The following CSMD1 variants were observed in gnomAD, a reference collection of about 807,000 sequenced individuals.
CSMD1 encodes the protein CUB and sushi domain-containing protein 1.
CSMD1 carries 213 observed loss-of-function variants against 417.5 expected under a neutral mutation model. The observed-to-expected ratio is 0.51, with a 90% CI of 0.46 to 0.57. CSMD1 has a LOEUF of 0.57. CSMD1 is among the 20% of genes least tolerant of loss of function. CSMD1 has a pLI of 0.00. For synonymous variants in CSMD1, 2,862 were observed against 1,736.8 expected (o/e 1.65, Z -16.11); for missense variants, 6,923 against 4,529.7 (o/e 1.53, Z -15.17).
intron 1 of CSMD1, chr8:4,788,725 A>G (rs764047578): frequency 2.2e-6 from 1 of 454,204 alleles, no homozygotes. Flanking sequence ...GCTTCTCTAG[A>G]TCCATACTAA....
chr8:3,039,828 A>G (rs770409867), intron 50 of CSMD1, among the ~76,000 whole-genome samples: 16 of 152,228 alleles, frequency 1.1e-4, no homozygotes, highest in Non-Finnish European at 2.1e-4. Context: ...AAGCTCGTTT[A>G]GCACTGATAC....
intron 2 of CSMD1, among the ~76,000 whole-genome samples, chr8:4,428,632 A>T (rs895249080): frequency 6.6e-6 from 1 of 152,160 alleles, no homozygotes; most frequent in Admixed American, 6.5e-5. Context: ...GGAAACACGG[A>T]AACTACAGAA....
At chr8:3,455,847 G>A (rs1816089822) in intron 12 of CSMD1, among the ~76,000 whole-genome samples, 1 of 152,228 alleles carries the variant, frequency 6.6e-6, no homozygotes, top group African/African-American at 2.4e-5. Context: ...ATGTCAGACA[G>A]GGACATTTAA....
intron 3 of CSMD1, among the ~76,000 whole-genome samples, chr8:4,364,292 G>A (rs993960132): frequency 9.9e-5 from 15 of 152,112 alleles, no homozygotes; most frequent in African/African-American, 3.6e-4. Context: ...TTAAGCCAAG[G>A]GGAACATTAA....
intron 5 of CSMD1, among the ~76,000 whole-genome samples, chr8:3,885,839 A>G (rs1806526306): frequency 6.6e-6 from 1 of 152,186 alleles, no homozygotes; most frequent in African/African-American, 2.4e-5. Context: ...TGACCTGGCA[A>G]ACGTCTCTGT....
intron 1 of CSMD1, among the ~76,000 whole-genome samples, chr8:4,833,925 C>G (rs999901047): frequency 6.6e-6 from 1 of 152,158 alleles, no homozygotes; most frequent in African/African-American, 2.4e-5. Flanking sequence ...CACCCACCTC[C>G]TTGATTCCAC....
At chr8:4,819,919 G>A (rs1314446090) in intron 1 of CSMD1, among the ~76,000 whole-genome samples, 2 of 152,164 alleles carry the variant, frequency 1.3e-5, no homozygotes, top group Admixed American at 1.3e-4. Context: ...AACCATTTAT[G>A]TTATCATAAG....
intron 32 of CSMD1, among the ~76,000 whole-genome samples, chr8:3,201,359 T>G (rs1471416734): frequency 6.6e-6 from 1 of 152,160 alleles, no homozygotes; most frequent in African/African-American, 2.4e-5. Context: ...TTCGGATCTT[T>G]GCACCTTTTA....
intron 3 of CSMD1, among the ~76,000 whole-genome samples, chr8:4,268,928 G>A (rs909669832): frequency 6.6e-6 from 1 of 152,122 alleles, no homozygotes; most frequent in Non-Finnish European, 1.5e-5. Flanking sequence ...GCTATTTGGA[G>A]AATTACAATT....
intron 3 of CSMD1, among the ~76,000 whole-genome samples, chr8:4,367,594 T>C (rs1266396117): frequency 6.6e-6 from 1 of 152,206 alleles, no homozygotes; most frequent in African/African-American, 2.4e-5. Context: ...TTTCTAATTC[T>C]GTAAAAAATG....
Position 3,018,076 on chromosome 8 carries a change from C to T in CSMD1, c.8029+401G>A, listed in dbSNP as rs141399246. Among the ~76,000 whole-genome samples, 231 of 152,218 alleles carry T rather than the reference C, an allele frequency of 1.5e-3. 2 individuals carry two copies. Among genetic ancestry groups the T allele is most frequent in the African/African-American group, 5.1e-3 (211 of 41,548 alleles). On this transcript the variant is annotated intron_variant, in intron 52 of 69. Transcript: ENST00000635120. ...AGACTACATTATTGTAGACATATAG[C>T]ATTTTAAATAATTCACTGTACTTAT...
At chr8:4,591,756 T>A (rs60103687) in intron 2 of CSMD1, among the ~76,000 whole-genome samples, 1 of 152,118 alleles carries the variant, frequency 6.6e-6, no homozygotes, top group South Asian at 2.1e-4. Context: ...GGATAGGATC[T>A]GTTTTGGAAA....
intron 2 of CSMD1, among the ~76,000 whole-genome samples, chr8:4,465,979 G>A (rs1217723509): frequency 2.0e-5 from 3 of 152,222 alleles, no homozygotes; most frequent in Admixed American, 1.3e-4. Flanking sequence ...GACAAGGACA[G>A]ATGGGAAAAG....
At chr8:3,939,395 C>A (rs1006668649) in intron 5 of CSMD1, among the ~76,000 whole-genome samples, 18 of 152,092 alleles carry the variant, frequency 1.2e-4, no homozygotes, top group African/African-American at 3.9e-4. Flanking sequence ...AAAGGGAACA[C>A]TTTTACACTA....
intron 5 of CSMD1, among the ~76,000 whole-genome samples, chr8:3,777,961 G>A (rs1216297895): frequency 6.6e-6 from 1 of 152,142 alleles, no homozygotes; most frequent in Non-Finnish European, 1.5e-5. Context: ...CTCCAGACCT[G>A]CAGCCTCCTT....
chr8:4,447,431 G>T (rs938169053), intron 2 of CSMD1, among the ~76,000 whole-genome samples: 2 of 152,172 alleles, frequency 1.3e-5, no homozygotes, highest in African/African-American at 2.4e-5. Flanking sequence ...CATTTGTCTG[G>T]ACCCAGAGGA....
chr8:4,675,409 G>A (rs1245737172), intron 1 of CSMD1, among the ~76,000 whole-genome samples: 1 of 152,136 alleles, frequency 6.6e-6, no homozygotes, highest in African/African-American at 2.4e-5. Context: ...TGAGCTGGCT[G>A]ACTGTTTTTG....
At chr8:3,077,132 G>A (rs1813740678) in intron 49 of CSMD1, among the ~76,000 whole-genome samples, 3 of 152,174 alleles carry the variant, frequency 2.0e-5, no homozygotes, top group Admixed American at 6.5e-5. Flanking sequence ...CAGAGACTCC[G>A]GACTTCCTGG....
intron 5 of CSMD1, among the ~76,000 whole-genome samples, chr8:3,783,480 G>A (rs146371534): frequency 3.9e-5 from 6 of 152,268 alleles, no homozygotes; most frequent in African/African-American, 7.2e-5. Context: ...GCTGTGAGGC[G>A]GCCCTGCAGT....
Sources: allele counts gnomAD v4.1 joint callset (sites outside exome capture counted in the v4.1 genomes callset), GRCh38; gene constraint gnomAD v4.1.1; transcripts MANE v1.5; gene names NCBI Gene and HGNC (gene_info 2026-07-23, HGNC 2026-07-21).